The following HTR2C variants were observed in gnomAD, a reference collection of about 807,000 sequenced individuals.
HTR2C encodes the protein 5-hydroxytryptamine receptor 2C, also known as 5-hydroxytryptamine (serotonin) receptor 2C, G protein-coupled.
HTR2C carries 5 observed loss-of-function variants against 21.0 expected under a neutral mutation model. The ratio of observed to expected loss-of-function variants is 0.24; its 90% confidence interval spans 0.12 to 0.50. HTR2C has a LOEUF of 0.50. Among genes scored for constraint, HTR2C ranks in the 20% least tolerant of loss-of-function variants. HTR2C has a pLI of 0.98. For synonymous variants in HTR2C, 150 were observed against 145.3 expected (o/e 1.03, Z -0.23); for missense variants, 271 against 371.2 (o/e 0.73, Z 2.22).
chrX:114,841,642 G>A lies in HTR2C; in HGVS notation c.350-6361G>A, dbSNP rs1026432350. On this transcript the variant is annotated intron_variant, in intron 4 of 5. Coordinates refer to ENST00000276198, the MANE Select transcript of HTR2C (RefSeq NM_000868.4). ...TGTAGTCCCAGCTACTTGGGAGGCC[G>A]AGGCAGGAGAATGGCTTGAACCCGG... Among the ~76,000 whole-genome samples the A allele has an allele frequency of 5.4e-5, 6 of 110,720 alleles. No individual in the cohort carries two copies. In the East Asian group the frequency reaches 1.1e-3, roughly 21 times the overall value.
intron 4 of HTR2C, among the ~76,000 whole-genome samples, chrX:114,744,577 C>G (rs782456959): frequency 1.8e-5 from 2 of 108,673 alleles, no homozygotes; most frequent in South Asian, 8.2e-4. Flanking sequence ...CTCAGCCTCC[C>G]GAGTAGCCGG....
At chrX:114,767,780 CTG>C (rs1373178009) in intron 4 of HTR2C, among the ~76,000 whole-genome samples, 1 of 107,059 alleles carries the variant, frequency 9.3e-6, no homozygotes, top group Non-Finnish European at 1.9e-5. Context: ...AGTAAATTCC[CTG>C]TTGTTTGAAG....
In HTR2C at chrX:114,697,340, A is replaced by T. The variant is rs1456527915; in HGVS notation, c.-79-29518A>T. 7.1e-5 allele frequency among the ~76,000 whole-genome samples: 8 copies of T among 112,402 alleles called. No individual in the cohort carries two copies. In the Admixed American group the frequency reaches 7.6e-4, roughly 11 times the overall value. On this transcript the variant is annotated intron_variant, in intron 2 of 5. Coordinates refer to ENST00000276198, the MANE Select transcript of HTR2C (RefSeq NM_000868.4). ...ATTTGATCACTTGACTTATTAGTTC[A>T]TATTAATCCAAACAAAGTATCTTCC...
intron 4 of HTR2C, chrX:114,775,116 T>A: frequency 3.9e-6 from 2 of 515,729 alleles, no homozygotes; most frequent in Non-Finnish European, 3.5e-6. Flanking sequence ...CTTTGACTGT[T>A]GCTTTCATGT....
chrX:114,623,522 G>GT (rs782245488), intron 2 of HTR2C, among the ~76,000 whole-genome samples: 153 of 112,022 alleles, frequency 1.4e-3, no homozygotes, highest in Middle Eastern at 4.6e-3. Flanking sequence ...CTTGAAGGAT[G>GT]TTTTTTATTT....
At chrX:114,858,265 T>G (rs1334598527) in intron 5 of HTR2C, among the ~76,000 whole-genome samples, 1 of 111,382 alleles carries the variant, frequency 9.0e-6, no homozygotes, top group African/African-American at 3.3e-5. Context: ...AAATTGGTAT[T>G]GCATTAAATC....
At chrX:114,628,405 A>ATTTTTTTTTTTTTTTTTTTTTT in intron 2 of HTR2C, among the ~76,000 whole-genome samples, 1 of 43,908 alleles carries the variant, frequency 2.3e-5, no homozygotes, top group Non-Finnish European at 3.7e-5. Context: ...TGCCAGGCTA[A>ATTTTTTTTTTTTTTTTTTTTTT]TTTTTTTTTT....
chrX:114,650,535 A>G (rs1930520843), intron 2 of HTR2C, among the ~76,000 whole-genome samples: 1 of 111,724 alleles, frequency 9.0e-6, no homozygotes, highest in Non-Finnish European at 1.9e-5. Flanking sequence ...GATCATCCTC[A>G]TTCTTCAAGT....
At chrX:114,590,517 G>A (rs1927585726) in intron 1 of HTR2C, among the ~76,000 whole-genome samples, 1 of 111,130 alleles carries the variant, frequency 9.0e-6, no homozygotes, top group Non-Finnish European at 1.9e-5. Flanking sequence ...GCCCATAGTA[G>A]GTAATCAGTT....
At chrX:114,880,555 C>T (rs1422597073) in intron 5 of HTR2C, among the ~76,000 whole-genome samples, 1 of 110,423 alleles carries the variant, frequency 9.1e-6, no homozygotes, top group Non-Finnish European at 1.9e-5. Context: ...AAACATTATA[C>T]CCTTTAGCTA....
intron 2 of HTR2C, among the ~76,000 whole-genome samples, chrX:114,698,163 C>T (rs781835163): frequency 8.9e-6 from 1 of 112,142 alleles, no homozygotes; most frequent in African/African-American, 3.2e-5. Flanking sequence ...TCATGCTTCA[C>T]TTGGACACCC....
chrX:114,837,872 G>A (rs1306421578), intron 4 of HTR2C, among the ~76,000 whole-genome samples: 1 of 111,161 alleles, frequency 9.0e-6, no homozygotes, highest in Non-Finnish European at 1.9e-5. Context: ...TACATTTATT[G>A]TATTGCTATT....
At chrX:114,891,749 G>A (rs965972000) in intron 5 of HTR2C, among the ~76,000 whole-genome samples, 1 of 110,645 alleles carries the variant, frequency 9.0e-6, no homozygotes, top group Non-Finnish European at 1.9e-5. Flanking sequence ...ATCATAGGAA[G>A]AGATCCTTCA....
chrX:114,602,846 T>G (rs1379560373), intron 1 of HTR2C, among the ~76,000 whole-genome samples: 22 of 97,791 alleles, frequency 2.2e-4, no homozygotes, highest in African/African-American at 8.3e-4. Flanking sequence ...GAGCTTGATG[T>G]GTAGGGAAGG....
intron 1 of HTR2C, among the ~76,000 whole-genome samples, chrX:114,612,307 G>C (rs1326733540): frequency 5.4e-5 from 6 of 111,253 alleles, no homozygotes; most frequent in Admixed American, 4.8e-4. Flanking sequence ...TTACTTACTA[G>C]GCTGAGTGCA....
intron 2 of HTR2C, among the ~76,000 whole-genome samples, chrX:114,690,137 T>C (rs1231227372): frequency 9.0e-6 from 1 of 111,547 alleles, no homozygotes; most frequent in Non-Finnish European, 1.9e-5. Context: ...TCAACACATC[T>C]GAGCAGCACC....
intron 4 of HTR2C, among the ~76,000 whole-genome samples, chrX:114,760,389 C>A (rs906746197): frequency 1.8e-5 from 2 of 111,671 alleles, no homozygotes; most frequent in Non-Finnish European, 3.8e-5. Context: ...TACAAGTACA[C>A]GGAGTCAATT....
At chrX:114,746,258 A>T (rs1265391433) in intron 4 of HTR2C, among the ~76,000 whole-genome samples, 1 of 111,982 alleles carries the variant, frequency 8.9e-6, no homozygotes, top group African/African-American at 3.2e-5. Flanking sequence ...GAATACATTT[A>T]TATCATGTTA....
At chrX:114,889,705 A>G (rs782536567) in intron 5 of HTR2C, among the ~76,000 whole-genome samples, 4 of 111,955 alleles carry the variant, frequency 3.6e-5, no homozygotes, top group South Asian at 7.4e-4. Flanking sequence ...TCCAAGTCAG[A>G]TGAAAGGAAA....
Sources: allele counts gnomAD v4.1 joint callset (sites outside exome capture counted in the v4.1 genomes callset), GRCh38; gene constraint gnomAD v4.1.1; transcripts MANE v1.5; gene names NCBI Gene and HGNC (gene_info 2026-07-23, HGNC 2026-07-21).